NKD1: variants seen among roughly 807,000 people sequenced by gnomAD.
NKD1 encodes protein naked cuticle homolog 1.
NKD1 carries 21 observed loss-of-function variants against 56.0 expected under a neutral mutation model. The observed-to-expected ratio is 0.38, with a 90% CI of 0.27 to 0.54. The LOEUF is 0.54. Among genes scored for constraint, NKD1 ranks in the 20% least tolerant of loss-of-function variants. The probability of loss-of-function intolerance (pLI) is 0.82; values close to 1 mark genes in which losing one functional copy is unlikely to be tolerated. For missense variants in NKD1, 578 were observed against 642.7 expected, an observed-to-expected ratio of 0.90 and a Z score of 1.09; for synonymous variants, 263 against 265.7, an observed-to-expected ratio of 0.99 and a Z score of 0.10.
chr16:50,608,641 ACT>A (rs1961772510), intron 4 of NKD1, among the ~76,000 whole-genome samples: 1 of 151,526 alleles, frequency 6.6e-6, no homozygotes, highest in African/African-American at 2.4e-5. Flanking sequence ...GGTTGTTGAA[ACT>A]CTGCTGCTCC....
rs367911340 is a variant in NKD1, at chr16:50,633,344, G to A, written c.976G>A (p.Ala326Thr). 11 of 1,613,956 alleles carry A rather than the reference G, an allele frequency of 6.8e-6. No individual in the cohort carries two copies. The highest frequency in any genetic ancestry group is 4.4e-5 in the South Asian group (4 of 91,078). Reference sequence around the variant, plus strand: ...CTTCCACTTCCTTGACACCCCAATCGCCAAGGTCTCAGAGCTCCAGCAACG... The same window carrying A: ...CTTCCACTTCCTTGACACCCCAATCACCAAGGTCTCAGAGCTCCAGCAACG... ...ASFHFLDTPI[A>T]KVSELQQRLR... The change falls in exon 10 of 10, where the codon GCC becomes ACC. Residue 326 changes from alanine (A) to threonine (T), a missense_variant. Ala to Thr is a moderately conservative substitution (Grantham distance 58). Coordinates refer to ENST00000268459, the MANE Select transcript of NKD1 (RefSeq NM_033119.5). This position sits in a 1 kb window ranked among gnomAD's most constrained non-coding sequence, Gnocchi z 4.9.
chr16:50,646,380 G>C lies in NKD1; in HGVS notation c.*12599G>C, dbSNP rs1160351757. 3 of 143,298 alleles carry C rather than the reference G, an allele frequency of 2.1e-5. No homozygotes were observed. The highest frequency in any genetic ancestry group is 2.2e-4 in the East Asian group (1 of 4,500). The allele number at this position is 143,298 out of a possible 1,614,324, so 8.9% of individuals were successfully genotyped here. A position where few individuals can be genotyped will look rare whatever the true frequency, so the allele number is the denominator to read the frequency against. On this transcript the variant is annotated 3_prime_UTR_variant, in exon 10 of 10. Transcript: ENST00000268459. ...ACGAGGAAGAAAAAGAGGGGGGGGG[G>C]AGAGAGAACGAAGGCTAACTGATGC...
chr16:50,623,845 G>A lies in NKD1; in HGVS notation c.367-1640G>A, dbSNP rs1448562377. On this transcript the variant is annotated intron_variant, in intron 5 of 9. Coordinates refer to ENST00000268459, the MANE Select transcript of NKD1 (RefSeq NM_033119.5). This position sits in a 1 kb window ranked among gnomAD's most constrained non-coding sequence, Gnocchi z 4.1. ...GCGTGTGTGTAGGTACGTGTGTAGG[G>A]GTATGCGTGTGTGTGTGTGTGTAGG... 1.3e-5 allele frequency among the ~76,000 whole-genome samples: 2 copies of A among 150,794 alleles called. No individual in the cohort carries two copies. Among genetic ancestry groups the A allele is most frequent in the South Asian group, 2.1e-4 (1 of 4,740 alleles).
At chr16:50,560,311 C>T (rs1450656514) in intron 3 of NKD1, among the ~76,000 whole-genome samples, 1 of 152,234 alleles carries the variant, frequency 6.6e-6, no homozygotes, top group Non-Finnish European at 1.5e-5. Flanking sequence ...GAGCTGCCCA[C>T]TGTGTGCATA....
At chr16:50,601,675 A>G (rs572680852) in intron 3 of NKD1, among the ~76,000 whole-genome samples, 1 of 152,136 alleles carries the variant, frequency 6.6e-6, no homozygotes, top group Admixed American at 6.5e-5. Context: ...GTCCCAGGAG[A>G]GGGTTCCAAT....
Position 50,633,791 on chromosome 16 carries a change from C to T in NKD1, c.*10C>T. The T allele has an allele frequency of 1.4e-6, 2 of 1,416,846 alleles. No individual in the cohort carries two copies. The highest frequency in any genetic ancestry group is 1.5e-5 in the South Asian group (1 of 68,020). 87.8% of individuals were successfully genotyped at this position (1,416,846 alleles called of 1,614,324 possible). ...CTTCTACCAGACATAGAGCCCCTCC[C>T]CAGGGCCCCACCCTGCCATATGAAG... On this transcript the variant is annotated 3_prime_UTR_variant, in exon 10 of 10. Coordinates refer to ENST00000268459, the MANE Select transcript of NKD1 (RefSeq NM_033119.5). The surrounding 1 kb of genome is among the most constrained non-coding windows in gnomAD (Gnocchi z 4.9).
intron 3 of NKD1, chr16:50,606,856 T>A (rs1431097708): frequency 2.2e-6 from 1 of 456,590 alleles, no homozygotes; most frequent in Non-Finnish European, 4.4e-6. Context: ...CCGTCTCTCT[T>A]CTGCATGAAA....
At chr16:50,562,986 AC>A (rs1307651263) in intron 3 of NKD1, among the ~76,000 whole-genome samples, 4,632 of 60,428 alleles carry the variant, frequency 0.077, 125 homozygotes, top group East Asian at 0.21. Flanking sequence ...TCCCACCACC[AC>A]CCCCCCCCCC....
At chr16:50,616,334 A>T (rs552676034) in intron 4 of NKD1, among the ~76,000 whole-genome samples, 1 of 152,208 alleles carries the variant, frequency 6.6e-6, no homozygotes, top group South Asian at 2.1e-4. Context: ...TGTGTTTCAA[A>T]TTTGTCTCTT....
In NKD1 at chr16:50,598,927, G is replaced by A. The variant is rs1417395582; in HGVS notation, c.193-9367G>A. Among the ~76,000 whole-genome samples, 1 of 151,486 alleles carries A rather than the reference G, an allele frequency of 6.6e-6. No homozygotes were observed. Among genetic ancestry groups the A allele is most frequent in the East Asian group, 1.9e-4 (1 of 5,150 alleles). Reference sequence around the variant, plus strand: ...CAGTGGTGTGGTGGGCAGTGGTGGGGCAGGATCAGTGGTGTGGTGGGGTCA... The same window carrying A: ...CAGTGGTGTGGTGGGCAGTGGTGGGACAGGATCAGTGGTGTGGTGGGGTCA... On this transcript the variant is annotated intron_variant, in intron 3 of 9. Transcript: ENST00000268459. This position sits in a 1 kb window ranked among gnomAD's most constrained non-coding sequence, Gnocchi z 4.2.
intron 3 of NKD1, chr16:50,573,012 C>A: frequency 3.8e-6 from 1 of 261,048 alleles, no homozygotes; most frequent in Non-Finnish European, 6.0e-6. Context: ...CCTAATGTTT[C>A]TGAGGCCTCA....
chr16:50,633,958 C>T lies in NKD1; in HGVS notation c.*177C>T. On this transcript the variant is annotated 3_prime_UTR_variant, in exon 10 of 10. Coordinates refer to ENST00000268459, the MANE Select transcript of NKD1 (RefSeq NM_033119.5). This position sits in a 1 kb window ranked among gnomAD's most constrained non-coding sequence, Gnocchi z 4.9. ...AGATCTATGGAAACACAGAACTAAACTTTTATTTATATGTTGTGGGGACTG... is the reference window on the plus strand; with the variant it reads ...AGATCTATGGAAACACAGAACTAAATTTTTATTTATATGTTGTGGGGACTG... 1.9e-6 allele frequency: 1 copy of T among 513,164 alleles called. No homozygotes were observed. The highest frequency in any genetic ancestry group is 3.3e-5 in the East Asian group (1 of 30,530). 31.8% of individuals were successfully genotyped at this position (513,164 alleles called of 1,614,324 possible). A position where few individuals can be genotyped will look rare whatever the true frequency, so the allele number is the denominator to read the frequency against.
chr16:50,626,051 C>T (rs576931421), intron 6 of NKD1, among the ~76,000 whole-genome samples: 27 of 152,346 alleles, frequency 1.8e-4, no homozygotes, highest in African/African-American at 6.5e-4. Flanking sequence ...TTTGAGGCTA[C>T]AGGAATGAGC....
Position 50,648,731 on chromosome 16 carries a change from T to A in NKD1, c.*14950T>A, listed in dbSNP as rs1245502494. The A allele has an allele frequency of 5.9e-5, 9 of 152,210 alleles. No individual in the cohort carries two copies. The highest frequency in any genetic ancestry group is 1.0e-4 in the Non-Finnish European group (7 of 68,040). 9.4% of individuals were successfully genotyped at this position (152,210 alleles called of 1,614,324 possible). A position where few individuals can be genotyped will look rare whatever the true frequency, so the allele number is the denominator to read the frequency against. On this transcript the variant is annotated 3_prime_UTR_variant, in exon 10 of 10. Transcript: ENST00000268459. ...TTTGTGACTAAACTCTAGTCAACAGTAAGTGTCATGTAGCAGCTCCTGGGA... is the reference window on the plus strand; with the variant it reads ...TTTGTGACTAAACTCTAGTCAACAGAAAGTGTCATGTAGCAGCTCCTGGGA...
chr16:50,629,463 A>T (rs1434299693), intron 6 of NKD1, among the ~76,000 whole-genome samples: 1 of 152,226 alleles, frequency 6.6e-6, no homozygotes, highest in African/African-American at 2.4e-5. Context: ...AACCCGAAGC[A>T]GATGCTGTTG....
In NKD1 at chr16:50,642,660, T is replaced by C. The variant is rs941033527; in HGVS notation, c.*8879T>C. On this transcript the variant is annotated 3_prime_UTR_variant, in exon 10 of 10. Transcript: ENST00000268459. Reference sequence around the variant, plus strand: ...GTTCAGCGCAGAGCCTGGCACGTAATAGGCCCTCGATAAGTAAAACAGCAA... The same window carrying C: ...GTTCAGCGCAGAGCCTGGCACGTAACAGGCCCTCGATAAGTAAAACAGCAA... 4 of 152,230 alleles carry C rather than the reference T, an allele frequency of 2.6e-5. No homozygotes were observed. The highest frequency in any genetic ancestry group is 5.9e-5 in the Non-Finnish European group (4 of 68,070). 9.4% of individuals were successfully genotyped at this position (152,230 alleles called of 1,614,324 possible). A position where few individuals can be genotyped will look rare whatever the true frequency, so the allele number is the denominator to read the frequency against.
intron 8 of NKD1, among the ~76,000 whole-genome samples, chr16:50,631,424 G>C (rs1962343118): frequency 6.6e-6 from 1 of 152,212 alleles, no homozygotes; most frequent in Non-Finnish European, 1.5e-5. Context: ...ATTGTTTAAA[G>C]AAAGGGATTG....
intron 3 of NKD1, chr16:50,552,465 C>A (rs1378225331): frequency 6.6e-6 from 1 of 152,258 alleles, no homozygotes; most frequent in Admixed American, 6.5e-5. Context: ...TTGCCCTCTT[C>A]CTTCCTGATG....
chr16:50,563,347 C>T (rs376034999), intron 3 of NKD1, among the ~76,000 whole-genome samples: 4 of 149,840 alleles, frequency 2.7e-5, no homozygotes, highest in Non-Finnish European at 4.4e-5. Context: ...AAACTCCATC[C>T]TCAATGGGCA....
Sources: gnomAD v4.1 joint callset for allele counts (sites outside exome capture counted in the v4.1 genomes callset) on GRCh38, gnomAD v4.1.1 for gene constraint, Gnocchi (gnomAD v3.1) non-coding constraint, MANE v1.5 for transcripts, NCBI Gene and HGNC (gene_info 2026-07-23, HGNC 2026-07-21) for gene names.